The following ALDH4A1 variants were observed in gnomAD, a reference collection of about 807,000 sequenced individuals.
ALDH4A1 encodes the protein delta-1-pyrroline-5-carboxylate dehydrogenase, mitochondrial.
Under a neutral mutation model 70.5 loss-of-function variants are expected in ALDH4A1, and 46 were observed. The observed-to-expected ratio is 0.65, with a 90% CI of 0.51 to 0.83. The LOEUF (loss-of-function observed/expected upper bound fraction) is 0.83. Ranked by LOEUF, ALDH4A1 falls within the 40% of genes least tolerant of loss-of-function variation. The probability of loss-of-function intolerance (pLI) is 0.00; values close to 1 mark genes in which losing one functional copy is unlikely to be tolerated. For synonymous variants in ALDH4A1, 323 were observed against 324.3 expected (o/e 1.00, Z 0.04); for missense variants, 749 against 766.5 (o/e 0.98, Z 0.27).
At chr1:18,873,289 G>A (rs958025883) in intron 14 of ALDH4A1, among the ~76,000 whole-genome samples, 1 of 152,186 alleles carries the variant, frequency 6.6e-6, no homozygotes, top group Non-Finnish European at 1.5e-5. Flanking sequence ...GCCATAAGAG[G>A]TACATATCTA....
chr1:18,886,614 C>T (rs528029113), intron 3 of ALDH4A1, 103 bp from the exon 4 acceptor site: 32 of 1,221,640 alleles, frequency 2.6e-5, no homozygotes, highest in South Asian at 5.0e-5. Flanking sequence ...GTCCTGGACA[C>T]GCCTGCTGTC....
At chr1:18,899,556 G>C (rs1344723545) in intron 1 of ALDH4A1, among the ~76,000 whole-genome samples, 2 of 152,240 alleles carry the variant, frequency 1.3e-5, no homozygotes, top group Non-Finnish European at 2.9e-5. Flanking sequence ...AGGAAGTCAG[G>C]GTTAAAGGAG....
chr1:18,887,734 T>C (rs1935274259), intron 3 of ALDH4A1, among the ~76,000 whole-genome samples: 1 of 152,106 alleles, frequency 6.6e-6, no homozygotes, highest in Non-Finnish European at 1.5e-5. Context: ...CAGCAAGCCA[T>C]ACTGCCCAGA....
intron 1 of ALDH4A1, among the ~76,000 whole-genome samples, chr1:18,891,103 G>A (rs1414843407): frequency 6.6e-6 from 1 of 152,210 alleles, no homozygotes; most frequent in African/African-American, 2.4e-5. Context: ...AAGGTGGGAG[G>A]TCAGGTGGCT....
intron 11 of ALDH4A1, 102 bp from the exon 12 acceptor site, chr1:18,876,569 C>A: frequency 7.4e-7 from 1 of 1,353,604 alleles, no homozygotes; most frequent in Non-Finnish European, 1.0e-6. Context: ...CTGAAGGGCC[C>A]AACTCCTGAA....
rs529217284 is a variant in ALDH4A1, at chr1:18,887,923, G to C, written c.250-1412C>G. On this transcript the variant is annotated intron_variant, in intron 3 of 14. Coordinates refer to ENST00000375341, the MANE Select transcript of ALDH4A1 (RefSeq NM_003748.4). Reference sequence around the variant, plus strand: ...TCTTCCCTTCAAAACCTAATGCCCGGCAGTGGTGAACGCTAGCATGACCAA... The same window carrying C: ...TCTTCCCTTCAAAACCTAATGCCCGCCAGTGGTGAACGCTAGCATGACCAA... Among the ~76,000 whole-genome samples, 130 of 152,292 alleles carry C rather than the reference G, an allele frequency of 8.5e-4. 1 individual carries two copies. The highest frequency in any genetic ancestry group is 3.0e-3 in the African/African-American group (124 of 41,560).
At chr1:18,889,707 A>G (rs1005266834) in intron 2 of ALDH4A1, among the ~76,000 whole-genome samples, 2 of 152,240 alleles carry the variant, frequency 1.3e-5, no homozygotes, top group African/African-American at 4.8e-5. Context: ...CCTGAAACTT[A>G]TATGAAATCT....
Position 18,885,488 on chromosome 1 carries a change from C to A in ALDH4A1, c.438G>T (p.Lys146Asn). The A allele has an allele frequency of 7.0e-7, 1 of 1,420,488 alleles. No homozygotes were observed. The highest frequency in any genetic ancestry group is 1.2e-5 in the South Asian group (1 of 83,760). 88.0% of individuals were successfully genotyped at this position (1,420,488 alleles called of 1,614,324 possible). The change falls in exon 5 of 15, where the codon AAG (lysine) becomes AAT (asparagine). Residue 146 changes from lysine to asparagine, a missense_variant. Transcript: ENST00000375341. ...SGPRRAEILA[K>N]TMVGQGKTVI... ...AGCACCTCACCTGTCCCACCATGGT[C>A]TTGGCGAGGATCTCAGCCCTGCGCG...
At chr1:18,885,394 G>C in intron 5 of ALDH4A1, 79 bp downstream of exon 5, 1 of 1,429,150 alleles carries the variant, frequency 7.0e-7, no homozygotes, top group Non-Finnish European at 9.5e-7. Context: ...CGCTTCAGCT[G>C]ATGTCTGCTG....
chr1:18,887,277 C>T (rs544647025), intron 3 of ALDH4A1, among the ~76,000 whole-genome samples: 2 of 152,386 alleles, frequency 1.3e-5, no homozygotes, highest in South Asian at 4.1e-4. Flanking sequence ...GCCGCCTGAC[C>T]GCAAGGCGGA....
chr1:18,893,105 A>T (rs114497839), intron 1 of ALDH4A1, among the ~76,000 whole-genome samples: 1 of 152,166 alleles, frequency 6.6e-6, no homozygotes, highest in Non-Finnish European at 1.5e-5. Flanking sequence ...CGGGACTCCA[A>T]ATAACTGAGT....
At chr1:18,891,802 C>T (rs144597892) in intron 1 of ALDH4A1, among the ~76,000 whole-genome samples, 26 of 152,170 alleles carry the variant, frequency 1.7e-4, no homozygotes, top group South Asian at 6.2e-4. Context: ...CCAAGGTGGG[C>T]GGATCACTTG....
At chr1:18,887,598 CAG>C (rs1935266929) in intron 3 of ALDH4A1, among the ~76,000 whole-genome samples, 2 of 150,034 alleles carry the variant, frequency 1.3e-5, no homozygotes, top group South Asian at 2.1e-4. Context: ...GACTCCGTCT[CAG>C]AAAAAAAAAA....
intron 11 of ALDH4A1, among the ~76,000 whole-genome samples, 200 bp downstream of exon 11, chr1:18,877,008 C>G (rs1455938578): frequency 6.6e-6 from 1 of 152,178 alleles, no homozygotes; most frequent in East Asian, 1.9e-4. Context: ...CCAGGGTGGC[C>G]GCAAGATGAG....
intron 5 of ALDH4A1, chr1:18,885,227 G>A (rs1403286321): frequency 3.5e-6 from 2 of 569,104 alleles, no homozygotes; most frequent in Non-Finnish European, 6.3e-6. Context: ...CTAGGAGCGA[G>A]GACAGAGGGA....
chr1:18,881,852 G>T lies in ALDH4A1; in HGVS notation c.714C>A (p.Ala238=), dbSNP rs368878142. ...GGTAGACAGCATAGCTGGCCAGCAT[G>T]GCAGTGTCACTGGGCTTCCATAGGA... The part of the protein sequence containing the change: ...NVVLWKPSDT[A]MLASYAVYRI... The change falls in exon 8 of 15, where the codon GCC becomes GCA. Residue 238 remains alanine, a synonymous_variant. Coordinates refer to ENST00000375341, the MANE Select transcript of ALDH4A1 (RefSeq NM_003748.4). 9.7e-5 allele frequency: 156 copies of T among 1,613,682 alleles called. No individual in the cohort carries two copies. Among genetic ancestry groups the T allele is most frequent in the Non-Finnish European group, 1.3e-4 (152 of 1,180,052 alleles).
chr1:18,902,498 C>G lies in ALDH4A1; in HGVS notation c.26G>C (p.Arg9Pro), dbSNP rs1019213474. The G allele has an allele frequency of 1.4e-6, 2 of 1,478,388 alleles. No homozygotes were observed. The highest frequency in any genetic ancestry group is 2.9e-5 in the African/African-American group (2 of 69,846). The allele number at this position is 1,478,388 out of a possible 1,614,324, so 91.6% of individuals were successfully genotyped here. A position where few individuals can be genotyped will look rare whatever the true frequency, so the allele number is the denominator to read the frequency against. Residue 9 changes from arginine to proline, a missense_variant, in exon 1 of 15, where the codon CGC (arginine) becomes CCC (proline). Transcript: ENST00000375341. ...CCAGGGGCGGGACAGCAGGGCGCGG[C>G]GGAGCGCGGGCGCCGGCAGCAGCAT... is the stretch of plus-strand genomic sequence containing the variant. MLLPAPAL[R>P]RALLSRPWTG...
intron 1 of ALDH4A1, among the ~76,000 whole-genome samples, chr1:18,894,808 C>T (rs1935559112): frequency 6.6e-6 from 1 of 151,530 alleles, no homozygotes; most frequent in African/African-American, 2.4e-5. Context: ...TCGACTGCAG[C>T]TAAAAATAAC....
In ALDH4A1 at chr1:18,883,237, T is replaced by C. The variant is rs768363596; in HGVS notation, c.604-39A>G. ...CAGCGGTGAGATCAGGCCCATGGCA[T>C]TGGGCTGCCCCGCCTGCTCGCCCAC... On this transcript the variant is annotated intron_variant, in intron 6 of 14. Transcript: ENST00000375341. 6.8e-6 allele frequency: 11 copies of C among 1,613,112 alleles called. No homozygotes were observed. The East Asian group carries it at 2.2e-4, about 33-fold the overall frequency.
Sources: gnomAD v4.1 joint callset for allele counts (sites outside exome capture counted in the v4.1 genomes callset) on GRCh38, gnomAD v4.1.1 for gene constraint, MANE v1.5 for transcripts, NCBI Gene and HGNC (gene_info 2026-07-23, HGNC 2026-07-21) for gene names.